PTPRS: variants seen among roughly 807,000 people sequenced by gnomAD.
PTPRS encodes the protein receptor-type tyrosine-protein phosphatase S.
PTPRS carries 63 observed loss-of-function variants against 215.3 expected under a neutral mutation model. The ratio of observed to expected loss-of-function variants is 0.29; its 90% CI spans 0.24 to 0.36. The LOEUF (loss-of-function observed/expected upper bound fraction) is 0.36. Among genes scored for constraint, PTPRS ranks in the 10% least tolerant of loss-of-function variants. The pLI, the probability that PTPRS is intolerant of heterozygous loss-of-function variation, is 1.00. For synonymous variants in PTPRS, 1,404 were observed against 1,191.4 expected (o/e 1.18, Z -3.68); for missense variants, 2,258 against 2,825.8 (o/e 0.80, Z 4.56).
chr19:5,324,201 T>C (rs1404088596), intron 1 of PTPRS, among the ~76,000 whole-genome samples: 2 of 119,058 alleles, frequency 1.7e-5, no homozygotes, highest in East Asian at 2.3e-4. Flanking sequence ...CACTCCAGCC[T>C]GGGAGACAGA....
At position 5,285,981 on chromosome 19, in the gene PTPRS, C is replaced by T. The variant is rs2048320484; in HGVS notation, c.91+69G>A. ...AGGAGGTGGGGAGTGTGCCCACACA[C>T]ACACAGCCATAAATGCACACAGGTA... On this transcript the variant is annotated intron_variant, in intron 2 of 37. Transcript: ENST00000262963. 20 of 1,472,628 alleles carry T rather than the reference C, an allele frequency of 1.4e-5. No homozygotes were observed. The Admixed American group carries it at 3.2e-4, about 23-fold the overall frequency. The allele number at this position is 1,472,628 out of a possible 1,614,324, so 91.2% of individuals were successfully genotyped here. A position where few individuals can be genotyped will look rare whatever the true frequency, so the allele number is the denominator to read the frequency against.
chr19:5,338,518 G>A lies in PTPRS; in HGVS notation c.-95+2146C>T, dbSNP rs8106914. On this transcript the variant is annotated intron_variant, in intron 1 of 37. Coordinates refer to ENST00000262963, the MANE Select transcript of PTPRS (RefSeq NM_002850.4). This position sits in a 1 kb window ranked among gnomAD's most constrained non-coding sequence, Gnocchi z 4.2. ...AGGCTTTGTGGAGGGCAGCGGGGGG[G>A]TAGGGGAGGGATGCCCAGGTGGGGA... Among the ~76,000 whole-genome samples, 243 of 152,246 alleles carry A rather than the reference G, an allele frequency of 1.6e-3. No homozygotes were observed. The highest frequency in any genetic ancestry group is 5.5e-3 in the African/African-American group (228 of 41,568).
chr19:5,310,759 G>A (rs772974698), intron 1 of PTPRS, among the ~76,000 whole-genome samples: 1 of 152,082 alleles, frequency 6.6e-6, no homozygotes, highest in Non-Finnish European at 1.5e-5. Flanking sequence ...AGGCTGGAGT[G>A]CAGTGACGCA....
chr19:5,299,536 C>A (rs34074329), intron 1 of PTPRS, among the ~76,000 whole-genome samples: 25,475 of 152,240 alleles, frequency 0.17, 2,820 homozygotes, highest in Non-Finnish European at 0.25. Flanking sequence ...ACCTGAAATT[C>A]TCTGTCTTTA....
At chr19:5,273,197 T>G in intron 4 of PTPRS, 1 of 548,818 alleles carries the variant, frequency 1.8e-6, no homozygotes, top group South Asian at 2.1e-5. Context: ...CAGAAGCACA[T>G]GATGAAGATT....
rs200033636 is a variant in PTPRS at position 5,256,068 on chromosome 19, A to C, written c.718+40T>G. The C allele has an allele frequency of 3.3e-6, 5 of 1,496,716 alleles. No homozygotes were observed. The African/African-American group carries it at 4.2e-5, about 12-fold the overall frequency. The allele number at this position is 1,496,716 out of a possible 1,614,324, so 92.7% of individuals were successfully genotyped here. ...TGCGTGTCATTTTCAGAATGTAAAAATGTGGGTAAAGAAAGTAAAAAAGAA... is the reference window on the plus strand; with the variant it reads ...TGCGTGTCATTTTCAGAATGTAAAACTGTGGGTAAAGAAAGTAAAAAAGAA... On this transcript the variant is annotated intron_variant, in intron 9 of 37. Coordinates refer to ENST00000262963, the MANE Select transcript of PTPRS (RefSeq NM_002850.4).
Position 5,231,334 on chromosome 19 carries a change from C to T in PTPRS, c.2131G>A (p.Val711Met), listed in dbSNP as rs765642813. The T allele has an allele frequency of 3.6e-5, 58 of 1,610,312 alleles. No homozygotes were observed. The highest frequency in any genetic ancestry group is 2.0e-4 in the Admixed American group (12 of 59,982). ...EVGPGPESSP[V>M]VVRTDEDVPS... is the part of the protein sequence containing the mutation. ...CCATCCTCGTCGGTGCGGACGACCA[C>T]GGGCGAGCTCTCGGGCCCTGGTCCC... Residue 711 changes from valine to methionine, a missense_variant, in exon 14 of 38, where the codon GTG (valine) becomes ATG (methionine). Physicochemically the swap from Val to Met is conservative, Grantham distance 21. Transcript: ENST00000262963.
chr19:5,279,954 A>G (rs1360239581), intron 2 of PTPRS, among the ~76,000 whole-genome samples: 1 of 152,238 alleles, frequency 6.6e-6, no homozygotes, highest in Non-Finnish European at 1.5e-5. Context: ...AAGTGCTGGG[A>G]TTACAGGCGT....
intron 4 of PTPRS, 27 bp from the exon 5 acceptor site, chr19:5,265,223 G>A: frequency 6.2e-7 from 1 of 1,602,264 alleles, no homozygotes; most frequent in Non-Finnish European, 8.5e-7. Context: ...GAGAGAAATG[G>A]GCATGGTTCT....
At chr19:5,253,176 T>TG (rs971706624) in intron 9 of PTPRS, among the ~76,000 whole-genome samples, 32 of 152,264 alleles carry the variant, frequency 2.1e-4, no homozygotes, top group African/African-American at 7.7e-4. Context: ...CAACTACAGC[T>TG]GGGAGTGGAG....
At chr19:5,320,003 C>T (rs1271946870) in intron 1 of PTPRS, among the ~76,000 whole-genome samples, 2 of 152,158 alleles carry the variant, frequency 1.3e-5, no homozygotes, top group Admixed American at 6.5e-5. Context: ...TTCAGGGTCC[C>T]GGCACAGAGC....
At chr19:5,267,526 GGA>G in intron 4 of PTPRS, among the ~76,000 whole-genome samples, 1 of 152,004 alleles carries the variant, frequency 6.6e-6, no homozygotes, top group Non-Finnish European at 1.5e-5. Flanking sequence ...GCATGGTGGC[GGA>G]CGCCTGTAAT....
chr19:5,223,162 G>A lies in PTPRS; in HGVS notation c.2630C>T (p.Pro877Leu), dbSNP rs1294580214. The change falls in exon 18 of 38, where the codon CCC (proline) becomes CTC (leucine). Residue 877 changes from proline (P) to leucine (L), a missense_variant. Pro to Leu is a moderately conservative substitution (Grantham distance 98, BLOSUM62 -3). Transcript: ENST00000262963. ...RLQFGREDST[P>L]LATLEFPPSE... ...GGGCGGGAACTCCAGGGTGGCCAGG[G>A]GCGTCGAGTCCTCACGGCCAAACTG... 1 of 1,569,218 alleles carries A rather than the reference G, an allele frequency of 6.4e-7. No homozygotes were observed. The highest frequency in any genetic ancestry group is 2.4e-5 in the East Asian group (1 of 42,264).
chr19:5,302,679 T>C (rs1274044497), intron 1 of PTPRS, among the ~76,000 whole-genome samples: 3 of 152,038 alleles, frequency 2.0e-5, no homozygotes, highest in Non-Finnish European at 4.4e-5. Context: ...TCATTGCTGG[T>C]GTGTGCAGCT....
At chr19:5,263,050 G>T (rs55840918) in intron 5 of PTPRS, 78 bp from the exon 6 acceptor site, 533,059 of 830,650 alleles carry the variant, frequency 0.64, 178,185 homozygotes, top group East Asian at 0.82. Context: ...TATGTCCTCA[G>T]CGAGGAGGGG....
Position 5,317,649 on chromosome 19 carries a change from A to G in PTPRS, c.-95+23015T>C, listed in dbSNP as rs545504774. 2.6e-4 allele frequency among the ~76,000 whole-genome samples: 40 copies of G among 152,320 alleles called. No individual in the cohort carries two copies. In the South Asian group the frequency reaches 8.1e-3, roughly 31 times the overall value. ...ACAGCACAAATTTTCCTAAAATAGGACAGGGCAGGGCAGGGCCCAAGCAAA... is the reference window on the plus strand; with the variant it reads ...ACAGCACAAATTTTCCTAAAATAGGGCAGGGCAGGGCAGGGCCCAAGCAAA... On this transcript the variant is annotated intron_variant, in intron 1 of 37. Transcript: ENST00000262963.
At chr19:5,263,230 C>T (rs577039022) in intron 5 of PTPRS, among the ~76,000 whole-genome samples, 3 of 152,172 alleles carry the variant, frequency 2.0e-5, no homozygotes, top group East Asian at 1.9e-4. Flanking sequence ...CTGAGGCCAC[C>T]GCTCCCCCTG....
At position 5,237,198 on chromosome 19, in the gene PTPRS, G is replaced by A. The variant is rs774833227; in HGVS notation, c.1849+1721C>T. Among the ~76,000 whole-genome samples the A allele has an allele frequency of 1.3e-5, 2 of 152,196 alleles. No homozygotes were observed. The highest frequency in any genetic ancestry group is 6.5e-5 in the Admixed American group (1 of 15,288). ...CGTGCGCACGCTGAGGTTCCAGGCT[G>A]GAGGCAGGAAGGTGGCACGGTGTCT... On this transcript the variant is annotated intron_variant, in intron 13 of 37. Coordinates refer to ENST00000262963, the MANE Select transcript of PTPRS (RefSeq NM_002850.4). This position sits in a 1 kb window ranked among gnomAD's most constrained non-coding sequence, Gnocchi z 4.2.
In PTPRS at chr19:5,216,811, A is replaced by AG. The variant is rs34710236; in HGVS notation, c.4049-45dup. On this transcript the variant is annotated intron_variant, in intron 25 of 37. Coordinates refer to ENST00000262963, the MANE Select transcript of PTPRS (RefSeq NM_002850.4). ...AAATAAATGAAAACATGCAGGGGGT[A>AG]GGGGGGGGTCCCACCTCTGCCTCCC... 1,673 of 1,267,554 alleles carry AG rather than the reference A, an allele frequency of 1.3e-3. 4 individuals are homozygous for AG. The highest frequency in any genetic ancestry group is 3.2e-3 in the African/African-American group (212 of 67,120). The allele number at this position is 1,267,554 out of a possible 1,614,324, so 78.5% of individuals were successfully genotyped here. A position where few individuals can be genotyped will look rare whatever the true frequency, so the allele number is the denominator to read the frequency against.
Sources: gnomAD v4.1 joint callset for allele counts (sites outside exome capture counted in the v4.1 genomes callset) on GRCh38, gnomAD v4.1.1 for gene constraint, Gnocchi (gnomAD v3.1) non-coding constraint, MANE v1.5 for transcripts, NCBI Gene and HGNC (gene_info 2026-07-23, HGNC 2026-07-21) for gene names.